The following RPH3A variants were observed in gnomAD, a reference collection of about 807,000 sequenced individuals.
The protein encoded by RPH3A is rabphilin 3A, also known as rabphilin-3A.
A neutral mutation model predicts 102.2 loss-of-function variants in RPH3A; 48 were observed. The observed-to-expected ratio is 0.47, with a 90% CI of 0.37 to 0.60. The LOEUF (loss-of-function observed/expected upper bound fraction) is 0.60, where lower values mean the gene tolerates loss of function less well. Ranked by LOEUF, RPH3A falls within the 20% of genes least tolerant of loss-of-function variation. The pLI, the probability that RPH3A is intolerant of heterozygous loss-of-function variation, is 0.00. For missense variants in RPH3A, 781 were observed against 910.1 expected, an observed-to-expected ratio of 0.86 and a Z score of 1.83; for synonymous variants, 310 against 324.3, an observed-to-expected ratio of 0.96 and a Z score of 0.47.
intron 17 of RPH3A, 141 bp downstream of exon 17, chr12:112,888,064 A>AGGAGCTGGAATCTTGACT: frequency 3.4e-6 from 3 of 888,206 alleles, no homozygotes; most frequent in African/African-American, 3.4e-5. Context: ...AGGAGAGTCA[A>AGGAGCTGGAATCTTGACT]GATTCCAGCT....
At chr12:112,706,607 T>A (rs60387878) in intron 1 of RPH3A, among the ~76,000 whole-genome samples, 233 of 152,300 alleles carry the variant, frequency 1.5e-3, no homozygotes, top group African/African-American at 5.4e-3. Flanking sequence ...GAGCCTTGAA[T>A]AACGCATAGA....
rs1268837546 is a variant in RPH3A, at chr12:112,807,025, G to A, written c.-19+14762G>A. On this transcript the variant is annotated intron_variant, in intron 2 of 21. Coordinates refer to ENST00000389385, the MANE Select transcript of RPH3A (RefSeq NM_001143854.2). ...CAATATGTACAAAGGCCCTGAGGTA[G>A]CAGTGCAGGATCTGAAAGAAGGCCA... Among the ~76,000 whole-genome samples, 3 of 152,088 alleles carry A rather than the reference G, an allele frequency of 2.0e-5. No individual in the cohort carries two copies. In the East Asian group the frequency reaches 5.8e-4, roughly 29 times the overall value.
rs11324677 is a variant in RPH3A at position 112,864,448 on chromosome 12, C to CAAA, written c.231-948_231-946dup. 2.8e-3 allele frequency among the ~76,000 whole-genome samples: 288 copies of CAAA among 101,954 alleles called. 3 individuals carry two copies. The highest frequency in any genetic ancestry group is 9.5e-3 in the African/African-American group (232 of 24,476). 66.9% of individuals were successfully genotyped at this position (101,954 alleles called of 152,430 possible). ...CCTGGGTGACAGAGCAAGACTCTGT[C>CAAA]AAAAAAAAAAAAAAAAAAAATGGAT... On this transcript the variant is annotated intron_variant, in intron 5 of 21. Transcript: ENST00000389385.
Position 112,868,387 on chromosome 12 carries a change from C to T in RPH3A, c.445-43C>T, listed in dbSNP as rs548246270. 47 of 1,597,548 alleles carry T rather than the reference C, an allele frequency of 2.9e-5. 1 individual carries two copies. The highest frequency in any genetic ancestry group is 2.1e-4 in the South Asian group (19 of 90,066). On this transcript the variant is annotated intron_variant, in intron 7 of 21. Transcript: ENST00000389385. ...GCACTCATGAAGGTAAGAGCAACAG[C>T]GCTTGGCTGCCACATCTTCAATCCC...
At chr12:112,843,568 A>T (rs1195816869) in intron 4 of RPH3A, among the ~76,000 whole-genome samples, 2 of 152,162 alleles carry the variant, frequency 1.3e-5, no homozygotes, top group African/African-American at 4.8e-5. Flanking sequence ...TGTGCACAGT[A>T]ACACCGGCAA....
chr12:112,753,693 G>A (rs1227872745), intron 1 of RPH3A, among the ~76,000 whole-genome samples: 1 of 152,138 alleles, frequency 6.6e-6, no homozygotes, highest in Non-Finnish European at 1.5e-5. Flanking sequence ...TTTTTCAGAG[G>A]CAACAAAGAA....
At chr12:112,801,649 G>A (rs1207536494) in intron 2 of RPH3A, among the ~76,000 whole-genome samples, 8 of 152,158 alleles carry the variant, frequency 5.3e-5, no homozygotes, top group Non-Finnish European at 1.0e-4. Context: ...AGGACTCTTG[G>A]GCTTTGTAGA....
At chr12:112,771,836 A>T (rs1050354647) in intron 1 of RPH3A, among the ~76,000 whole-genome samples, 2 of 152,224 alleles carry the variant, frequency 1.3e-5, no homozygotes, top group African/African-American at 2.4e-5. Context: ...GATAGAAGTC[A>T]GCATAGAATA....
intron 21 of RPH3A, 80 bp from the exon 22 acceptor site, chr12:112,896,570 T>C: frequency 6.4e-7 from 1 of 1,562,046 alleles, no homozygotes; most frequent in South Asian, 1.2e-5. Context: ...CTTGGTGCAG[T>C]TTTTTCCCCA....
chr12:112,600,408 A>T (rs533610400), intron 1 of RPH3A, among the ~76,000 whole-genome samples: 1 of 152,270 alleles, frequency 6.6e-6, no homozygotes, highest in East Asian at 1.9e-4. Context: ...TTTCTGTCAT[A>T]AGGTGTGAGG....
chr12:112,712,223 G>A (rs992535582), intron 1 of RPH3A, among the ~76,000 whole-genome samples: 5 of 152,100 alleles, frequency 3.3e-5, no homozygotes, highest in Non-Finnish European at 7.4e-5. Flanking sequence ...ACGCATGCAC[G>A]CACGCAGGCA....
intron 1 of RPH3A, among the ~76,000 whole-genome samples, chr12:112,642,060 C>G (rs2039894682): frequency 6.6e-6 from 1 of 152,132 alleles, no homozygotes; most frequent in Admixed American, 6.5e-5. Flanking sequence ...GCAGGCTATT[C>G]CTGCAGCTTG....
intron 1 of RPH3A, among the ~76,000 whole-genome samples, chr12:112,670,449 T>A (rs11066378): frequency 3.5e-4 from 54 of 152,264 alleles, no homozygotes; most frequent in African/African-American, 1.2e-3. Flanking sequence ...TTTCTACTGA[T>A]CTCTTGAATA....
rs1184679385 is a variant in RPH3A, at chr12:112,832,319, C to T, written c.71+3930C>T. Among the ~76,000 whole-genome samples, 5 of 152,240 alleles carry T rather than the reference C, an allele frequency of 3.3e-5. No individual in the cohort carries two copies. The East Asian group carries it at 9.6e-4, about 29-fold the overall frequency. On this transcript the variant is annotated intron_variant, in intron 3 of 21. Coordinates refer to ENST00000389385, the MANE Select transcript of RPH3A (RefSeq NM_001143854.2). ...ACATATTTTATTTCTAAAAATTATTCATTCATTTTAATATCTTCTTCACCA... is the reference window on the plus strand; with the variant it reads ...ACATATTTTATTTCTAAAAATTATTTATTCATTTTAATATCTTCTTCACCA...
intron 1 of RPH3A, among the ~76,000 whole-genome samples, chr12:112,589,882 A>G (rs1253389829): frequency 2.0e-5 from 3 of 152,212 alleles, no homozygotes; most frequent in Non-Finnish European, 4.4e-5. Flanking sequence ...CAGGAGTTCA[A>G]GACCAGCTTG....
At chr12:112,699,640 G>C (rs1408364137) in intron 1 of RPH3A, among the ~76,000 whole-genome samples, 1 of 152,226 alleles carries the variant, frequency 6.6e-6, no homozygotes, top group Non-Finnish European at 1.5e-5. Flanking sequence ...GAAAGAAACA[G>C]TAAAGAACTT....
intron 1 of RPH3A, among the ~76,000 whole-genome samples, chr12:112,784,332 T>C (rs1428301109): frequency 6.6e-6 from 1 of 152,116 alleles, no homozygotes; most frequent in Admixed American, 6.5e-5. Flanking sequence ...GCCTCTCCCC[T>C]CTTATTCAGC....
At chr12:112,800,577 G>A (rs921938720) in intron 2 of RPH3A, among the ~76,000 whole-genome samples, 2 of 152,170 alleles carry the variant, frequency 1.3e-5, no homozygotes, top group South Asian at 2.1e-4. Context: ...GTGGAGAGGG[G>A]AGTGCAGGAG....
At chr12:112,677,835 T>C (rs1315463899) in intron 1 of RPH3A, among the ~76,000 whole-genome samples, 1 of 152,016 alleles carries the variant, frequency 6.6e-6, no homozygotes, top group Non-Finnish European at 1.5e-5. Context: ...AGTTTTTCTC[T>C]CCAGGTGACA....
Sources: allele counts gnomAD v4.1 joint callset (sites outside exome capture counted in the v4.1 genomes callset), GRCh38; gene constraint gnomAD v4.1.1; transcripts MANE v1.5; gene names NCBI Gene and HGNC (gene_info 2026-07-23, HGNC 2026-07-21).